CLDN16: variants seen among roughly 807,000 people sequenced by gnomAD.
CLDN16 encodes claudin-16.
A neutral mutation model predicts 24.6 loss-of-function variants in CLDN16; 13 were observed. The ratio of observed to expected loss-of-function variants is 0.53; its 90% CI spans 0.34 to 0.84. CLDN16 has a LOEUF of 0.84. CLDN16 is among the 40% of genes least tolerant of loss of function. The probability of loss-of-function intolerance (pLI) is 0.01; values close to 1 mark genes in which losing one functional copy is unlikely to be tolerated. For synonymous variants in CLDN16, 116 were observed against 106.7 expected, an observed-to-expected ratio of 1.09 and a Z score of -0.54; for missense variants, 298 against 292.7, an observed-to-expected ratio of 1.02 and a Z score of -0.13.
At chr3:190,407,684 C>A (rs997086432) in intron 3 of CLDN16, among the ~76,000 whole-genome samples, 2 of 152,120 alleles carry the variant, frequency 1.3e-5, no homozygotes, top group Non-Finnish European at 2.9e-5. Flanking sequence ...AATAACATTT[C>A]TTGGTCCATT....
intron 1 of CLDN16, among the ~76,000 whole-genome samples, chr3:190,393,565 A>G (rs983815317): frequency 4.6e-5 from 7 of 152,226 alleles, no homozygotes; most frequent in African/African-American, 1.4e-4. Flanking sequence ...GAATCAGCCA[A>G]TAAATATTAG....
chr3:190,302,779 A>AATATAT, the CLDN16 span, among the ~76,000 whole-genome samples: 5 of 140,208 alleles, frequency 3.6e-5, no homozygotes, highest in African/African-American at 1.3e-4. Context: ...CTCAAAAAAA[A>AATATAT]ATATATATAT....
chr3:190,408,164 A>G, intron 3 of CLDN16, 150 bp from the exon 4 acceptor site: 1 of 774,094 alleles, frequency 1.3e-6, no homozygotes, highest in Non-Finnish European at 2.3e-6. Flanking sequence ...GAGACAGAAG[A>G]AGTGTCCGAA....
intron 1 of CLDN16, among the ~76,000 whole-genome samples, chr3:190,394,821 C>T (rs1319360239): frequency 3.3e-5 from 5 of 151,966 alleles, no homozygotes; most frequent in African/African-American, 9.7e-5. Flanking sequence ...AGCAAGATTT[C>T]GTATCTTGCT....
chr3:190,348,786 A>G (rs1401087244), intron 1 of CLDN16, among the ~76,000 whole-genome samples: 1 of 152,084 alleles, frequency 6.6e-6, no homozygotes, highest in East Asian at 1.9e-4. Context: ...AGTACCCATT[A>G]GTTATTTTTC....
chr3:190,350,449 A>G (rs1408686207), intron 1 of CLDN16, among the ~76,000 whole-genome samples: 2 of 151,924 alleles, frequency 1.3e-5, no homozygotes, highest in African/African-American at 4.8e-5. Context: ...GTCAATGTGT[A>G]TTTTGAAAAG....
At chr3:190,383,096 G>A (rs1185458647) in intron 3 of CLDN16, among the ~76,000 whole-genome samples, 2 of 152,070 alleles carry the variant, frequency 1.3e-5, no homozygotes, top group Admixed American at 6.6e-5. Context: ...GACCTATGCC[G>A]GAGTTGCAAA....
At chr3:190,380,702 A>G (rs1328559918) in intron 3 of CLDN16, among the ~76,000 whole-genome samples, 4 of 152,092 alleles carry the variant, frequency 2.6e-5, no homozygotes, top group Admixed American at 2.6e-4. Flanking sequence ...GCTTGAACCC[A>G]GGAGGCAGAG....
In CLDN16 at chr3:190,404,934, T is replaced by C. The variant is rs764915987; in HGVS notation, c.382+8T>C. On this transcript the variant is annotated splice_region_variant and intron_variant, in intron 3 of 4. Coordinates refer to ENST00000264734, the MANE Select transcript of CLDN16 (RefSeq NM_006580.4). ...CCACGTTACTAATAGCAGGTACCGG[T>C]CTGGCTGGACTAGCAACAGGGGTAG... The C allele has an allele frequency of 3.1e-6, 5 of 1,613,840 alleles. No individual in the cohort carries two copies. In the Admixed American group the frequency reaches 8.3e-5, roughly 27 times the overall value.
At chr3:190,347,975 G>A (rs183978731) in intron 1 of CLDN16, among the ~76,000 whole-genome samples, 29 of 151,808 alleles carry the variant, frequency 1.9e-4, no homozygotes, top group African/African-American at 6.5e-4. Flanking sequence ...TGGGCGCGGT[G>A]GCTCACATCT....
chr3:190,332,162 T>C (rs1276763253), intron 1 of CLDN16, among the ~76,000 whole-genome samples: 1 of 152,214 alleles, frequency 6.6e-6, no homozygotes, highest in Non-Finnish European at 1.5e-5. Context: ...TAAAGACATG[T>C]ATATATTTGG....
intron 1 of CLDN16, among the ~76,000 whole-genome samples, chr3:190,333,265 A>T (rs1241517503): frequency 6.6e-6 from 1 of 152,156 alleles, no homozygotes; most frequent in African/African-American, 2.4e-5. Flanking sequence ...AACTCTAAGG[A>T]TCCACAACTT....
intron 3 of CLDN16, among the ~76,000 whole-genome samples, chr3:190,406,008 C>T (rs1434535618): frequency 6.6e-6 from 1 of 152,078 alleles, no homozygotes; most frequent in Non-Finnish European, 1.5e-5. Flanking sequence ...GGTAGTACAT[C>T]GATATGGAGT....
chr3:190,384,388 C>A (rs1386283318), upstream of CLDN16, among the ~76,000 whole-genome samples: 1 of 152,134 alleles, frequency 6.6e-6, no homozygotes, highest in Admixed American at 6.6e-5. Flanking sequence ...AAATGCAAGG[C>A]TGCTTCCACC....
At chr3:190,379,000 G>T (rs999909552) in intron 3 of CLDN16, among the ~76,000 whole-genome samples, 1 of 152,014 alleles carries the variant, frequency 6.6e-6, no homozygotes, top group East Asian at 1.9e-4. Flanking sequence ...GAGGAATAAT[G>T]ATAGTTATTT....
At chr3:190,364,611 G>A (rs1375676137) in intron 1 of CLDN16, among the ~76,000 whole-genome samples, 1 of 151,902 alleles carries the variant, frequency 6.6e-6, no homozygotes, top group African/African-American at 2.4e-5. Context: ...GATTTCTACT[G>A]TGGTTCTCTA....
chr3:190,403,869 T>C (rs1719023278), intron 2 of CLDN16, among the ~76,000 whole-genome samples: 1 of 152,192 alleles, frequency 6.6e-6, no homozygotes, highest in Admixed American at 6.5e-5. Context: ...TTGTCTATTC[T>C]AAAAATTCAT....
chr3:190,346,301 A>T (rs1300502335), intron 1 of CLDN16, among the ~76,000 whole-genome samples: 1 of 152,198 alleles, frequency 6.6e-6, no homozygotes. Context: ...AGTACCATGT[A>T]GAGATGTGGG....
intron 1 of CLDN16, among the ~76,000 whole-genome samples, chr3:190,348,811 C>G (rs867793190): frequency 1.3e-5 from 2 of 152,152 alleles, no homozygotes; most frequent in African/African-American, 4.8e-5. Flanking sequence ...TCCTCTTTCT[C>G]TTACCTCCCT....
Sources: allele counts gnomAD v4.1 joint callset (sites outside exome capture counted in the v4.1 genomes callset), GRCh38; gene constraint gnomAD v4.1.1; transcripts MANE v1.5; gene names NCBI Gene and HGNC (gene_info 2026-07-23, HGNC 2026-07-21).